RBM41: variants seen among roughly 807,000 people sequenced by gnomAD.
RBM41 encodes RNA-binding protein 41.
A neutral mutation model predicts 30.8 loss-of-function variants in RBM41; 14 were observed. That is an observed-to-expected ratio of 0.45 (90% CI 0.30 to 0.71). The LOEUF (loss-of-function observed/expected upper bound fraction) is 0.71, where lower values mean the gene tolerates loss of function less well. Ranked by LOEUF, RBM41 falls within the 30% of genes least tolerant of loss-of-function variation. The pLI is 0.08. For missense variants in RBM41, 276 were observed against 326.3 expected (o/e 0.85, Z 1.19); for synonymous variants, 120 against 110.1 (o/e 1.09, Z -0.56).
the RBM41 span, among the ~76,000 whole-genome samples, chrX:107,055,393 T>G: frequency 8.9e-6 from 1 of 111,831 alleles, no homozygotes; most frequent in African/African-American, 3.3e-5. Flanking sequence ...GGCACGATCT[T>G]GGCTCACTGC....
intron 5 of RBM41, among the ~76,000 whole-genome samples, chrX:107,091,277 A>C (rs1430084035): frequency 2.7e-5 from 3 of 112,007 alleles, no homozygotes; most frequent in Admixed American, 9.5e-5. Context: ...GAATTTTACA[A>C]TGTCAATAAC....
the RBM41 span, among the ~76,000 whole-genome samples, chrX:107,055,315 A>G: frequency 9.0e-6 from 1 of 111,673 alleles, no homozygotes; most frequent in East Asian, 2.8e-4. Flanking sequence ...GCTAGAGTAC[A>G]AGTTTTATTT....
chrX:107,058,154 G>GT (rs915505454), downstream of RBM41, among the ~76,000 whole-genome samples: 1 of 109,440 alleles, frequency 9.1e-6, no homozygotes, highest in Non-Finnish European at 1.9e-5. Flanking sequence ...TTTGCCAGGC[G>GT]TGGTGGCACA....
At chrX:107,055,352 T>A in the RBM41 span, among the ~76,000 whole-genome samples, 1 of 111,254 alleles carries the variant, frequency 9.0e-6, no homozygotes, top group Non-Finnish European at 1.9e-5. Context: ...TGAGACGGAG[T>A]CTTGCTCTGT....
At chrX:107,076,015 G>A (rs923652856) in intron 6 of RBM41, among the ~76,000 whole-genome samples, 1 of 111,360 alleles carries the variant, frequency 9.0e-6, no homozygotes, top group Non-Finnish European at 1.9e-5. Context: ...TAAAGAATAT[G>A]TGGCATATAA....
intron 6 of RBM41, among the ~76,000 whole-genome samples, chrX:107,087,188 T>C (rs376302382): frequency 1.5e-4 from 17 of 111,538 alleles, no homozygotes; most frequent in African/African-American, 3.9e-4. Flanking sequence ...ATATTAGGAA[T>C]TGATAATGAT....
intron 6 of RBM41, among the ~76,000 whole-genome samples, chrX:107,071,201 T>A: frequency 4.2e-5 from 3 of 70,762 alleles, no homozygotes; most frequent in Admixed American, 1.7e-4. Flanking sequence ...TCAAAGTATA[T>A]CACTACAAAA....
rs1372409771 is a variant in RBM41, at chrX:107,063,975, G to A, written c.*3552C>T. Among the ~76,000 whole-genome samples the A allele has an allele frequency of 1.1e-4, 10 of 93,893 alleles. No homozygotes were observed. The highest frequency in any genetic ancestry group is 3.5e-4 in the African/African-American group (9 of 25,674). The allele number at this position is 93,893 out of a possible 115,157, so 81.5% of individuals were successfully genotyped here. ...TTCTTTTTTTTTTTTTTTTTGAGAT[G>A]GAGTCTCGCTCTGCTGCCCAGGCTG... On this transcript the variant is annotated 3_prime_UTR_variant, in exon 8 of 8. Coordinates refer to ENST00000685964, the MANE Select transcript of RBM41 (RefSeq NM_001324242.2).
intron 5 of RBM41, among the ~76,000 whole-genome samples, chrX:107,109,961 T>C (rs1025934454): frequency 9.0e-6 from 1 of 111,184 alleles, no homozygotes; most frequent in Admixed American, 9.6e-5. Context: ...GTGGCAAGAG[T>C]GGACATCCTT....
intron 6 of RBM41, among the ~76,000 whole-genome samples, chrX:107,078,658 G>A (rs1470316757): frequency 9.1e-6 from 1 of 110,441 alleles, no homozygotes; most frequent in East Asian, 2.8e-4. Flanking sequence ...TGTTGCACAA[G>A]TTGTTCTGGC....
At chrX:107,072,293 C>T (rs1602549858) in intron 6 of RBM41, among the ~76,000 whole-genome samples, 1 of 111,098 alleles carries the variant, frequency 9.0e-6, no homozygotes, top group Admixed American at 9.6e-5. Context: ...TACACAAATT[C>T]CATACAGTTG....
At position 107,065,611 on chromosome X, in the gene RBM41, G is replaced by T; in HGVS notation, c.*1916C>A. The T allele has an allele frequency of 2.1e-6, 1 of 476,435 alleles. No homozygotes were observed. 39.3% of individuals were successfully genotyped at this position (476,435 alleles called of 1,213,427 possible). A position where few individuals can be genotyped will look rare whatever the true frequency, so the allele number is the denominator to read the frequency against. On this transcript the variant is annotated 3_prime_UTR_variant, in exon 8 of 8. Transcript: ENST00000685964. ...ATTTTACATCTTTAAAAGAAGCTGAGAGAAGAGTAAGTATATGTTTATAGT... is the reference window on the plus strand; with the variant it reads ...ATTTTACATCTTTAAAAGAAGCTGATAGAAGAGTAAGTATATGTTTATAGT...
chrX:107,083,071 A>AT (rs1233617390), intron 6 of RBM41, among the ~76,000 whole-genome samples: 56 of 101,312 alleles, frequency 5.5e-4, no homozygotes, highest in South Asian at 2.5e-3. Context: ...TTTTGAAAGC[A>AT]TTTTTTTTTT....
intron 4 of RBM41, chrX:107,115,078 T>A: frequency 2.9e-6 from 1 of 344,606 alleles, no homozygotes; most frequent in Non-Finnish European, 5.1e-6. Flanking sequence ...GGAGTTAGTA[T>A]AAATGTCAAC....
chrX:107,098,772 G>C (rs761559927), intron 5 of RBM41, among the ~76,000 whole-genome samples: 27 of 111,646 alleles, frequency 2.4e-4, no homozygotes, highest in African/African-American at 8.8e-4. Context: ...AGGCCAAGGA[G>C]GGCAGATCAC....
At chrX:107,100,187 G>A (rs1387834343) in intron 5 of RBM41, among the ~76,000 whole-genome samples, 2 of 112,286 alleles carry the variant, frequency 1.8e-5, no homozygotes, top group Non-Finnish European at 3.8e-5. Context: ...AATTGGCCAG[G>A]TGTGGTGGCT....
At chrX:107,115,019 T>G in intron 4 of RBM41, 4 of 203,447 alleles carry the variant, frequency 2.0e-5, no homozygotes, top group Non-Finnish European at 2.7e-5. Flanking sequence ...TTACTACCTT[T>G]AATCTCCATT....
rs1023228521 is a variant in RBM41 at position 107,065,374 on chromosome X, ATTT to A, written c.*2150_*2152del. 9.4e-5 allele frequency: 11 copies of A among 117,044 alleles called. No homozygotes were observed. The highest frequency in any genetic ancestry group is 1.9e-4 in the Non-Finnish European group (11 of 56,970). The allele number at this position is 117,044 out of a possible 1,213,427, so 9.6% of individuals were successfully genotyped here. On this transcript the variant is annotated 3_prime_UTR_variant, in exon 8 of 8. Coordinates refer to ENST00000685964, the MANE Select transcript of RBM41 (RefSeq NM_001324242.2). ...ATATTTACATTTAATAATATTTTTG[ATTT>A]TTTAAAAGTTATTTCCTCAGTGGTT...
intron 5 of RBM41, among the ~76,000 whole-genome samples, chrX:107,106,200 T>C (rs896889291): frequency 2.7e-5 from 3 of 111,588 alleles, no homozygotes; most frequent in African/African-American, 6.6e-5. Flanking sequence ...CATCAAAAAG[T>C]GGGCGAAGGA....
Sources: allele counts gnomAD v4.1 joint callset (sites outside exome capture counted in the v4.1 genomes callset), GRCh38; gene constraint gnomAD v4.1.1; transcripts MANE v1.5; gene names NCBI Gene and HGNC (gene_info 2026-07-23, HGNC 2026-07-21).